SLC35D4: variants seen among roughly 807,000 people sequenced by gnomAD.
SLC35D4 encodes the protein UDP-N-acetylglucosamine transporter SLC35D4.
the SLC35D4 span, among the ~76,000 whole-genome samples, chr18:23,393,392 A>G: frequency 6.6e-6 from 1 of 152,120 alleles, no homozygotes; most frequent in Admixed American, 6.6e-5. Flanking sequence ...CTCTGTGCCC[A>G]TTAAACACTA....
chr18:23,430,198 G>C, the SLC35D4 span, among the ~76,000 whole-genome samples: 1 of 151,796 alleles, frequency 6.6e-6, no homozygotes, highest in Non-Finnish European at 1.5e-5. Context: ...GTGAGACAAA[G>C]GGGTCCAGTT....
At chr18:23,432,392 GAGA>G in the SLC35D4 span, among the ~76,000 whole-genome samples, 7 of 152,188 alleles carry the variant, frequency 4.6e-5, no homozygotes, top group Non-Finnish European at 7.3e-5. Flanking sequence ...CTTGAGGAAA[GAGA>G]AGGAGCCCCA....
At chr18:23,279,895 C>G in the SLC35D4 span, among the ~76,000 whole-genome samples, 1 of 152,126 alleles carries the variant, frequency 6.6e-6, no homozygotes, top group African/African-American at 2.4e-5. Flanking sequence ...GAGACAGGAT[C>G]TTACTATGTC....
chr18:23,286,067 T>A, the SLC35D4 span, among the ~76,000 whole-genome samples: 14 of 152,098 alleles, frequency 9.2e-5, no homozygotes, highest in Admixed American at 3.3e-4. Context: ...CCCAATCTGC[T>A]CTCAACATTA....
the SLC35D4 span, among the ~76,000 whole-genome samples, chr18:23,262,666 A>G: frequency 2.0e-5 from 3 of 152,238 alleles, no homozygotes; most frequent in Non-Finnish European, 2.9e-5. Flanking sequence ...GAAGCTTGAA[A>G]GGGAAGCTCC....
the SLC35D4 span, among the ~76,000 whole-genome samples, chr18:23,333,776 G>C: frequency 6.6e-6 from 1 of 152,212 alleles, no homozygotes; most frequent in African/African-American, 2.4e-5. Flanking sequence ...ATTCCAAGAA[G>C]ATAAATCTAA....
chr18:23,340,255 T>G, the SLC35D4 span, among the ~76,000 whole-genome samples: 1 of 152,028 alleles, frequency 6.6e-6, no homozygotes, highest in African/African-American at 2.4e-5. Context: ...GCAGATTGCT[T>G]GAGGCCAGGA....
At chr18:23,274,603 C>T in the SLC35D4 span, among the ~76,000 whole-genome samples, 1 of 152,210 alleles carries the variant, frequency 6.6e-6, no homozygotes, top group Non-Finnish European at 1.5e-5. Flanking sequence ...CTCCCTGCCC[C>T]TTCCCCTATT....
the SLC35D4 span, among the ~76,000 whole-genome samples, chr18:23,327,989 G>A: frequency 2.0e-5 from 3 of 152,150 alleles, no homozygotes. Context: ...AAAGGCCTTT[G>A]ACAAAATTCA....
At chr18:23,265,201 GGA>G in the SLC35D4 span, among the ~76,000 whole-genome samples, 1 of 152,206 alleles carries the variant, frequency 6.6e-6, no homozygotes, top group Non-Finnish European at 1.5e-5. Flanking sequence ...GGCTCTGGAA[GGA>G]GAGACACTGA....
the SLC35D4 span, among the ~76,000 whole-genome samples, chr18:23,255,424 G>A: frequency 6.6e-6 from 1 of 152,130 alleles, no homozygotes; most frequent in African/African-American, 2.4e-5. Context: ...TTAGGTCGGC[G>A]CTTTACAGAT....
At chr18:23,335,811 C>T in the SLC35D4 span, among the ~76,000 whole-genome samples, 1 of 152,152 alleles carries the variant, frequency 6.6e-6, no homozygotes, top group Admixed American at 6.5e-5. Flanking sequence ...ATTAACTGGC[C>T]TTTATGTTGC....
chr18:23,310,934 CAGGGGCA>C, the SLC35D4 span, among the ~76,000 whole-genome samples: 1 of 152,096 alleles, frequency 6.6e-6, no homozygotes, highest in African/African-American at 2.4e-5. Context: ...GTATTGTCCT[CAGGGGCA>C]ATAAAGAAGT....
chr18:23,389,805 C>G, the SLC35D4 span, among the ~76,000 whole-genome samples: 2 of 152,210 alleles, frequency 1.3e-5, no homozygotes, highest in Non-Finnish European at 2.9e-5. Context: ...TCTCAAAGTG[C>G]TGTGATTTAC....
At chr18:23,247,981 C>G in the SLC35D4 span, among the ~76,000 whole-genome samples, 1 of 152,318 alleles carries the variant, frequency 6.6e-6, no homozygotes, top group Non-Finnish European at 1.5e-5. Context: ...GATTTTTCCC[C>G]GCCTCTCTGT....
chr18:23,407,136 G>GATC, the SLC35D4 span, among the ~76,000 whole-genome samples: 1 of 152,146 alleles, frequency 6.6e-6, no homozygotes, highest in Admixed American at 6.5e-5. Context: ...ATGTGGTCAG[G>GATC]CAAAACCGGA....
the SLC35D4 span, among the ~76,000 whole-genome samples, chr18:23,407,236 A>T: frequency 6.6e-6 from 1 of 152,226 alleles, no homozygotes; most frequent in East Asian, 1.9e-4. Context: ...AAGATAAGAG[A>T]ATGAATATAC....
At chr18:23,426,330 T>G in the SLC35D4 span, among the ~76,000 whole-genome samples, 810 of 152,212 alleles carry the variant, frequency 5.3e-3, 4 homozygotes, top group Middle Eastern at 0.02. Context: ...CAGGTTGAGC[T>G]CCTTAAAATA....
the SLC35D4 span, among the ~76,000 whole-genome samples, chr18:23,332,174 C>T: frequency 1.3e-5 from 2 of 151,896 alleles, no homozygotes; most frequent in Non-Finnish European, 2.9e-5. Flanking sequence ...GGATTACAGG[C>T]GTGAGCCACC....
Sources: gnomAD v4.1 joint callset for allele counts (sites outside exome capture counted in the v4.1 genomes callset) on GRCh38, gnomAD v4.1.1 for gene constraint, MANE v1.5 for transcripts, NCBI Gene and HGNC (gene_info 2026-07-23, HGNC 2026-07-21) for gene names.